The following DNMBP variants were observed in gnomAD, a reference collection of about 807,000 sequenced individuals.
DNMBP encodes the protein dynamin-binding protein.
In DNMBP, 87 loss-of-function variants were observed where a neutral mutation model predicts 150.0. That is an observed-to-expected ratio of 0.58 (90% CI 0.49 to 0.69). The LOEUF (loss-of-function observed/expected upper bound fraction) is 0.69. Among genes scored for constraint, DNMBP ranks in the 30% least tolerant of loss-of-function variants. DNMBP has a pLI of 0.00. For missense variants in DNMBP, 1,774 were observed against 1,949.0 expected (o/e 0.91, Z 1.69); for synonymous variants, 711 against 750.4 (o/e 0.95, Z 0.86).
At chr10:99,915,795 C>T (rs980295247) in intron 4 of DNMBP, among the ~76,000 whole-genome samples, 1 of 152,170 alleles carries the variant, frequency 6.6e-6, no homozygotes, top group Admixed American at 6.5e-5. Context: ...ATTAATTTAG[C>T]TTCAAAACAC....
rs2039469297 is a variant in DNMBP at position 99,886,596 on chromosome 10, T to G, written c.3322A>C (p.Asn1108His). The change falls in exon 13 of 17, where the codon AAT (asparagine) becomes CAT (histidine). Residue 1108 changes from asparagine to histidine, a missense_variant. Physicochemically the swap from Asn to His is moderately conservative, Grantham distance 68. Coordinates refer to ENST00000324109, the MANE Select transcript of DNMBP (RefSeq NM_015221.4). ...CCTGTAAACATGCTCAGTAACTGAT[T>G]TAAGGGGGAGATGACAAGCCGCTCT... The part of the protein sequence containing the change: ...RTERLVISPL[N>H]QLLSMFTGPH... 1 of 1,614,012 alleles carries G rather than the reference T, an allele frequency of 6.2e-7. No homozygotes were observed. The highest frequency in any genetic ancestry group is 1.3e-5 in the African/African-American group (1 of 75,004).
chr10:99,982,821 G>A (rs895972049), intron 1 of DNMBP, among the ~76,000 whole-genome samples: 1 of 152,090 alleles, frequency 6.6e-6, no homozygotes, highest in Non-Finnish European at 1.5e-5. Flanking sequence ...ACGTGGTGGT[G>A]AACACCTGTG....
At chr10:99,980,934 C>T (rs896590866) in intron 1 of DNMBP, among the ~76,000 whole-genome samples, 2 of 151,618 alleles carry the variant, frequency 1.3e-5, no homozygotes, top group African/African-American at 2.4e-5. Context: ...GGGGTAGGGG[C>T]GAGAAGAGGA....
At chr10:99,880,431 G>C (rs2039349612) in intron 15 of DNMBP, 70 bp from the exon 16 acceptor site, 1 of 1,442,680 alleles carries the variant, frequency 6.9e-7, no homozygotes, top group East Asian at 2.4e-5. Context: ...GGAGCATTGA[G>C]AGAAAAAAAA....
At chr10:99,924,597 A>G (rs964889257) in intron 4 of DNMBP, among the ~76,000 whole-genome samples, 4 of 152,244 alleles carry the variant, frequency 2.6e-5, no homozygotes, top group Non-Finnish European at 2.9e-5. Flanking sequence ...GTTTAAGAGT[A>G]TAGTTGCCTT....
At chr10:99,918,574 CT>C (rs71009786) in intron 4 of DNMBP, among the ~76,000 whole-genome samples, 67 of 137,750 alleles carry the variant, frequency 4.9e-4, no homozygotes, top group South Asian at 4.5e-4. Flanking sequence ...TCTGCAACTT[CT>C]TTTTTTTTTT....
chr10:99,892,386 G>A (rs1421447600), intron 11 of DNMBP, among the ~76,000 whole-genome samples: 18 of 141,076 alleles, frequency 1.3e-4, no homozygotes, highest in Non-Finnish European at 2.0e-4. Flanking sequence ...AGTAGACATG[G>A]GAGACTTTTC....
chr10:99,877,575 C>G (rs1341544804), intron 16 of DNMBP, among the ~76,000 whole-genome samples: 1 of 152,008 alleles, frequency 6.6e-6, no homozygotes, highest in South Asian at 2.1e-4. Context: ...AAAGAAAACA[C>G]CAATTTGGCC....
Position 99,955,859 on chromosome 10 carries a change from G to A in DNMBP, c.1615C>T (p.His539Tyr). 6.2e-7 allele frequency: 1 copy of A among 1,614,234 alleles called. No individual in the cohort carries two copies. Among genetic ancestry groups the A allele is most frequent in the Non-Finnish European group, 8.5e-7 (1 of 1,180,038 alleles). The change falls in exon 4 of 17, where the codon CAT becomes TAT. Residue 539 changes from histidine to tyrosine, a missense_variant. Around this residue, in one of 2 missense-constraint regions of DNMBP, gnomAD observed 1,430 missense variants for 1,492.5 expected, o/e 0.96. Coordinates refer to ENST00000324109, the MANE Select transcript of DNMBP (RefSeq NM_015221.4). ...TCAGTGCTGCCGTCTCCCTGTGAAT[G>A]TGTTGCTGCTTCCATAACAAGCCCT... ...AQGLVMEAAT[H>Y]SQGDGSTDLD...
chr10:99,929,712 T>G lies in DNMBP; in HGVS notation c.2261-20566A>C, dbSNP rs1205984636. On this transcript the variant is annotated intron_variant, in intron 4 of 16. Transcript: ENST00000324109. Reference sequence around the variant, plus strand: ...TCTCCAAGTCTCTGGGCCATTTAATTTTTTCTCTTCCTCTAAATGCCAGAT... The same window carrying G: ...TCTCCAAGTCTCTGGGCCATTTAATGTTTTCTCTTCCTCTAAATGCCAGAT... 3 of 702,824 alleles carry G rather than the reference T, an allele frequency of 4.3e-6. No homozygotes were observed. The African/African-American group carries it at 5.2e-5, about 12-fold the overall frequency. The allele number at this position is 702,824 out of a possible 1,614,324, so 43.5% of individuals were successfully genotyped here. A position where few individuals can be genotyped will look rare whatever the true frequency, so the allele number is the denominator to read the frequency against.
chr10:99,994,373 A>G (rs1280387598), intron 1 of DNMBP, among the ~76,000 whole-genome samples: 1 of 152,220 alleles, frequency 6.6e-6, no homozygotes, highest in Non-Finnish European at 1.5e-5. Context: ...AAATGTCAGC[A>G]ATGAGAACAG....
At chr10:99,916,379 C>A (rs969154556) in intron 4 of DNMBP, among the ~76,000 whole-genome samples, 5 of 152,224 alleles carry the variant, frequency 3.3e-5, no homozygotes, top group Non-Finnish European at 7.3e-5. Flanking sequence ...AGGAGAATCG[C>A]TGGAACCTGG....
chr10:99,904,112 G>A (rs865989496), intron 6 of DNMBP, among the ~76,000 whole-genome samples: 1 of 152,052 alleles, frequency 6.6e-6, no homozygotes, highest in African/African-American at 2.4e-5. Context: ...AAAATTAGCT[G>A]GGTGTGGTGG....
chr10:99,882,116 C>T (rs1031829943), intron 15 of DNMBP, among the ~76,000 whole-genome samples: 1 of 152,038 alleles, frequency 6.6e-6, no homozygotes, highest in African/African-American at 2.4e-5. Flanking sequence ...ATGAGCCAGG[C>T]GCAGAAAGAC....
At chr10:99,996,157 G>A (rs934277478) in intron 1 of DNMBP, among the ~76,000 whole-genome samples, 41 of 152,300 alleles carry the variant, frequency 2.7e-4, no homozygotes, top group Non-Finnish European at 4.9e-4. Context: ...GGAATCACAA[G>A]AAGAGAATAT....
chr10:100,002,627 A>G (rs1048573521), intron 1 of DNMBP, among the ~76,000 whole-genome samples: 56 of 152,168 alleles, frequency 3.7e-4, no homozygotes, highest in African/African-American at 1.3e-3. Flanking sequence ...CAGGAGGAAA[A>G]AGCTGACCTA....
At chr10:99,964,321 A>T in intron 3 of DNMBP, among the ~76,000 whole-genome samples, 1 of 149,862 alleles carries the variant, frequency 6.7e-6, no homozygotes. Flanking sequence ...ATGGGGTTTC[A>T]CCATCTTGGC....
chr10:99,955,512 T>C lies in DNMBP; in HGVS notation c.1962A>G (p.Arg654=). The stretch of plus-strand genomic sequence containing the variant: ...GGAGCTTGGGGGATACCGCATTCGT[T>C]CTCTGCTGTGCTGAGGGAGGCAGGG... The part of the protein sequence containing the change: ...PAPLPPSAQQ[R]TNAVSPKLLS... The change falls in exon 4 of 17, where the codon AGA becomes AGG. Residue 654 remains arginine (R), a synonymous_variant. Coordinates refer to ENST00000324109, the MANE Select transcript of DNMBP (RefSeq NM_015221.4). 2.5e-6 allele frequency: 4 copies of C among 1,598,618 alleles called. No homozygotes were observed. Among genetic ancestry groups the C allele is most frequent in the Non-Finnish European group, 2.6e-6 (3 of 1,172,244 alleles).
At chr10:100,008,489 T>C (rs904077726) in intron 1 of DNMBP, among the ~76,000 whole-genome samples, 1 of 152,248 alleles carries the variant, frequency 6.6e-6, no homozygotes, top group Non-Finnish European at 1.5e-5. Flanking sequence ...CACGTAAGTA[T>C]CTGCAATTTG....
Sources: allele counts gnomAD v4.1 joint callset (sites outside exome capture counted in the v4.1 genomes callset), GRCh38; gene constraint gnomAD v4.1.1; regional missense constraint gnomAD v4.1.1; transcripts MANE v1.5; gene names NCBI Gene and HGNC (gene_info 2026-07-23, HGNC 2026-07-21).